LSMEM2: variants seen among roughly 807,000 people sequenced by gnomAD.
LSMEM2 encodes the protein leucine-rich single-pass membrane protein 2.
In LSMEM2, 20 loss-of-function variants were observed where a neutral mutation model predicts 17.3. That is an observed-to-expected ratio of 1.16 (90% confidence interval 0.81 to 1.68). LSMEM2 has a LOEUF of 1.68. Ranked by LOEUF, LSMEM2 falls within the 40% of genes most tolerant of loss-of-function variation. The pLI is 0.00. For missense variants in LSMEM2, 207 were observed against 214.3 expected (o/e 0.97, Z 0.21); for synonymous variants, 94 against 97.8 (o/e 0.96, Z 0.23).
chr3:50,285,330 T>TA (rs1195751792), intron 1 of LSMEM2, among the ~76,000 whole-genome samples: 4 of 138,398 alleles, frequency 2.9e-5, no homozygotes, highest in Non-Finnish European at 6.3e-5. Context: ...GACTCCATCT[T>TA]AAAAAAACCA....
rs1701588754 is a variant in LSMEM2, at chr3:50,287,959, T to C, written c.*757T>C. ...GCCCCACAGCCCTGAGGAAGGCACA[T>C]ATTTAGCCTGGCCTGAGACAGGACA... On this transcript the variant is annotated 3_prime_UTR_variant, in exon 4 of 4. Transcript: ENST00000316436. 10 of 531,432 alleles carry C rather than the reference T, an allele frequency of 1.9e-5. No individual in the cohort carries two copies. The highest frequency in any genetic ancestry group is 8.6e-5 in the South Asian group (4 of 46,744). The allele number at this position is 531,432 out of a possible 1,614,324, so 32.9% of individuals were successfully genotyped here.
At position 50,286,751 on chromosome 3, in the gene LSMEM2, T is replaced by C. The variant is rs782623701; in HGVS notation, c.250T>C (p.Cys84Arg). ...GCTGGGCGTTTTGCCGCCGTCACTG[T>C]GTGCCCAGGCTGGCTGCAGCCCTGT... ...ELLGVLPPSL[C>R]AQAGCSPVYR... Residue 84 changes from cysteine (C) to arginine (R), a missense_variant, in exon 3 of 4, where the codon TGT becomes CGT. Transcript: ENST00000316436. 1 of 1,614,256 alleles carries C rather than the reference T, an allele frequency of 6.2e-7. No individual in the cohort carries two copies. The highest frequency in any genetic ancestry group is 8.5e-7 in the Non-Finnish European group (1 of 1,180,040).
At chr3:50,278,848 G>A (rs1168659913), upstream of LSMEM2, among the ~76,000 whole-genome samples, 2 of 152,184 alleles carry the variant, frequency 1.3e-5, no homozygotes, top group African/African-American at 4.8e-5. Context: ...CATTCTGGAT[G>A]TATGGGGGAG....
rs142104077 is a variant in LSMEM2 at position 50,286,974 on chromosome 3, G to C, written c.362-95G>C. 1.2e-3 allele frequency: 1,868 copies of C among 1,588,724 alleles called. 39 individuals carry two copies. In the East Asian group the frequency reaches 0.038, roughly 32 times the overall value. On this transcript the variant is annotated intron_variant, in intron 3 of 3. Coordinates refer to ENST00000316436, the MANE Select transcript of LSMEM2 (RefSeq NM_153215.3). ...CAGATGCTGCAGCAGTGAAGGATGGGGCGGGAGGCCCGTGGCTGCCCCTGG... is the reference window on the plus strand; with the variant it reads ...CAGATGCTGCAGCAGTGAAGGATGGCGCGGGAGGCCCGTGGCTGCCCCTGG...
At chr3:50,283,702 G>A (rs1293434632) in intron 1 of LSMEM2, among the ~76,000 whole-genome samples, 4 of 151,858 alleles carry the variant, frequency 2.6e-5, no homozygotes, top group African/African-American at 7.3e-5. Context: ...AGGAGGGTGA[G>A]GTAGGAGAAA....
rs2109272751 is a variant in LSMEM2, at chr3:50,287,615, GGA to G, written c.*417_*418del. The G allele has an allele frequency of 4.0e-6, 1 of 247,356 alleles. No homozygotes were observed. Among genetic ancestry groups the G allele is most frequent in the East Asian group, 9.8e-5 (1 of 10,208 alleles). The allele number at this position is 247,356 out of a possible 1,614,324, so 15.3% of individuals were successfully genotyped here. A position where few individuals can be genotyped will look rare whatever the true frequency, so the allele number is the denominator to read the frequency against. On this transcript the variant is annotated 3_prime_UTR_variant, in exon 4 of 4. Transcript: ENST00000316436. The stretch of plus-strand genomic sequence containing the variant: ...AAGACAGGCTGGGCTCTGAGTAGGG[GGA>G]GAGGCACCACCTGGGGAAGACTGCC...
rs1434404494 is a variant in LSMEM2, at chr3:50,286,673, G to T, written c.173-1G>T. The T allele has an allele frequency of 1.2e-6, 2 of 1,613,234 alleles. No individual in the cohort carries two copies. The highest frequency in any genetic ancestry group is 2.7e-5 in the African/African-American group (2 of 74,926). ...ACCCTCCCAATGTCCCATCCACCCA[G>T]CAGGCACACTGCGCCCCTATCTAAC... On this transcript the variant is annotated splice_acceptor_variant, in intron 2 of 3. Coordinates refer to ENST00000316436, the MANE Select transcript of LSMEM2 (RefSeq NM_153215.3). LOFTEE classifies it high-confidence loss of function.
chr3:50,286,976 C>A (rs1322165263), intron 3 of LSMEM2, 93 bp from the exon 4 acceptor site: 2 of 1,586,170 alleles, frequency 1.3e-6, no homozygotes, highest in Non-Finnish European at 1.7e-6. Context: ...AAGGATGGGG[C>A]GGGAGGCCCG....
rs1553708698 is a variant in LSMEM2 at position 50,287,133 on chromosome 3, C to CA, written c.429dup (p.Leu144ThrfsTer16). The CA allele has an allele frequency of 1.9e-6, 3 of 1,614,040 alleles. No individual in the cohort carries two copies. Among genetic ancestry groups the CA allele is most frequent in the Non-Finnish European group, 2.5e-6 (3 of 1,180,034 alleles). ...TCCGCACGCAGGAGGAGACACTACT[C>CA]AAACTCCGCTTGGCCAGCCTCAGCC... On this transcript the variant is annotated frameshift_variant, in exon 4 of 4. Coordinates refer to ENST00000316436, the MANE Select transcript of LSMEM2 (RefSeq NM_153215.3). LOFTEE classifies it high-confidence loss of function.
Position 50,286,553 on chromosome 3 carries a change from G to C in LSMEM2, c.141G>C (p.Gln47His). The C allele has an allele frequency of 3.7e-6, 6 of 1,612,504 alleles. No individual in the cohort carries two copies. The highest frequency in any genetic ancestry group is 5.1e-6 in the Non-Finnish European group (6 of 1,179,410). Reference protein sequence around the residue: ...PNHVHEVCLHQVESISDLHSG... With the variant: ...PNHVHEVCLHHVESISDLHSG... ...ACGTGCATGAGGTATGCCTGCACCA[G>C]GTGGAGTCCATCAGCGACCTACATA... Residue 47 changes from glutamine (Q) to histidine (H), a missense_variant, in exon 2 of 4, where the codon CAG becomes CAC. Coordinates refer to ENST00000316436, the MANE Select transcript of LSMEM2 (RefSeq NM_153215.3).
rs370375035 is a variant in LSMEM2, at chr3:50,283,589, T to A, written c.59-2882T>A. Among the ~76,000 whole-genome samples, 4 of 143,556 alleles carry A rather than the reference T, an allele frequency of 2.8e-5. No individual in the cohort carries two copies. The East Asian group carries it at 6.2e-4, about 22-fold the overall frequency. The allele number at this position is 143,556 out of a possible 152,430, so 94.2% of individuals were successfully genotyped here. A position where few individuals can be genotyped will look rare whatever the true frequency, so the allele number is the denominator to read the frequency against. ...TTGCAGTGAGCCGAGATCGTGCCAC[T>A]GCACTCCAGCCTGGGCGGCAGAGCG... On this transcript the variant is annotated intron_variant, in intron 1 of 3. Coordinates refer to ENST00000316436, the MANE Select transcript of LSMEM2 (RefSeq NM_153215.3).
chr3:50,278,386 G>A (rs943401421), upstream of LSMEM2, among the ~76,000 whole-genome samples: 7 of 152,220 alleles, frequency 4.6e-5, no homozygotes, highest in Non-Finnish European at 1.0e-4. Context: ...GACCAAAACC[G>A]TGGATTGTGC....
chr3:50,280,281 A>G (rs1211046042), intron 1 of LSMEM2, among the ~76,000 whole-genome samples: 1 of 149,852 alleles, frequency 6.7e-6, no homozygotes, highest in Non-Finnish European at 1.5e-5. Flanking sequence ...CAGGCTCCCA[A>G]GTAGCTGGGA....
At chr3:50,280,182 T>TTTTTTTA (rs1701360153) in intron 1 of LSMEM2, among the ~76,000 whole-genome samples, 1 of 145,470 alleles carries the variant, frequency 6.9e-6, no homozygotes, top group Non-Finnish European at 1.5e-5. Flanking sequence ...CTCAACTTTT[T>TTTTTTTA]TTTTTTTTGT....
chr3:50,280,389 AGGT>A, intron 1 of LSMEM2, among the ~76,000 whole-genome samples: 1 of 151,768 alleles, frequency 6.6e-6, no homozygotes, highest in Non-Finnish European at 1.5e-5. Context: ...TCCTGACCTC[AGGT>A]GATCCACCCA....
upstream of LSMEM2, among the ~76,000 whole-genome samples, chr3:50,278,048 A>G (rs752971450): frequency 3.7e-4 from 57 of 152,372 alleles, no homozygotes; most frequent in Non-Finnish European, 7.8e-4. Flanking sequence ...TTCGCTGACA[A>G]GACGGGGCTG....
intron 1 of LSMEM2, among the ~76,000 whole-genome samples, chr3:50,285,405 C>G (rs184032656): frequency 6.6e-6 from 1 of 151,402 alleles, no homozygotes; most frequent in African/African-American, 2.4e-5. Flanking sequence ...TTTGGAAGGC[C>G]GAGGCGGGCA....
At chr3:50,286,982 G>T (rs782305979) in intron 3 of LSMEM2, 87 bp from the exon 4 acceptor site, 71 of 1,589,726 alleles carry the variant, frequency 4.5e-5, no homozygotes, top group Non-Finnish European at 5.3e-5. Flanking sequence ...GGGGCGGGAG[G>T]CCCGTGGCTG....
Position 50,287,277 on chromosome 3 carries a change from C to T in LSMEM2, c.*75C>T, listed in dbSNP as rs1701573868. The T allele has an allele frequency of 1.3e-6, 2 of 1,549,040 alleles. No individual in the cohort carries two copies. The highest frequency in any genetic ancestry group is 1.7e-5 in the Admixed American group (1 of 57,420). ...AGTGGCTATGGGCAGGTCTCTCCTT[C>T]CCTACTGCTGGCTGCCACATCTACA... On this transcript the variant is annotated 3_prime_UTR_variant, in exon 4 of 4. Transcript: ENST00000316436.
Sources: gnomAD v4.1 joint callset for allele counts (sites outside exome capture counted in the v4.1 genomes callset) on GRCh38, gnomAD v4.1.1 for gene constraint, MANE v1.5 for transcripts, NCBI Gene and HGNC (gene_info 2026-07-23, HGNC 2026-07-21) for gene names.